TMTC1: variants seen among roughly 807,000 people sequenced by gnomAD.
TMTC1 encodes the protein transmembrane O-mannosyltransferase targeting cadherins 1.
In TMTC1, 73 loss-of-function variants were observed where a neutral mutation model predicts 104.8. The observed-to-expected ratio is 0.70, with a 90% CI of 0.58 to 0.85. The LOEUF is 0.85. Among genes scored for constraint, TMTC1 ranks in the 40% least tolerant of loss-of-function variants. The pLI, the probability that TMTC1 is intolerant of heterozygous loss-of-function variation, is 0.00. For synonymous variants in TMTC1, 434 were observed against 428.7 expected (o/e 1.01, Z -0.15); for missense variants, 1,035 against 1,096.1 (o/e 0.94, Z 0.79).
chr12:29,767,864 A>C, intron 2 of TMTC1, 34 bp downstream of exon 2: 1 of 1,590,716 alleles, frequency 6.3e-7, no homozygotes, highest in Non-Finnish European at 8.6e-7. Flanking sequence ...ACACATTCAT[A>C]TTCGTTATTT....
At chr12:29,657,486 C>T (rs1939813846) in intron 5 of TMTC1, among the ~76,000 whole-genome samples, 1 of 152,104 alleles carries the variant, frequency 6.6e-6, no homozygotes, top group Non-Finnish European at 1.5e-5. Context: ...ATATAAACAA[C>T]AATTTATACA....
rs769870535 is a variant in TMTC1, at chr12:29,518,498, G to A, written c.1998C>T (p.Asn666=). 1 of 1,614,080 alleles carries A rather than the reference G, an allele frequency of 6.2e-7. No homozygotes were observed. Among genetic ancestry groups the A allele is most frequent in the Admixed American group, 1.7e-5 (1 of 60,026 alleles). Reference sequence around the variant, plus strand: ...GCTTGTACCATTCTTCAGCCATGCTGTTCTCTCCCAGTGACCTGTAGAGTC... The same window carrying A: ...GCTTGTACCATTCTTCAGCCATGCTATTCTCTCCCAGTGACCTGTAGAGTC... The part of the protein sequence containing the change: ...LGRLYRSLGE[N]SMAEEWYKRA... Residue 666 remains asparagine, a synonymous_variant, in exon 13 of 18, where the codon AAC becomes AAT. Coordinates refer to ENST00000539277, the MANE Select transcript of TMTC1 (RefSeq NM_001193451.2).
At chr12:29,533,395 A>C (rs1056619134) in intron 11 of TMTC1, 1 of 152,208 alleles carries the variant, frequency 6.6e-6, no homozygotes, top group Non-Finnish European at 1.5e-5. Context: ...GCTTATAATA[A>C]GAGCAAGGTA....
chr12:29,652,667 C>T (rs896459574), intron 5 of TMTC1, among the ~76,000 whole-genome samples: 3 of 152,068 alleles, frequency 2.0e-5, no homozygotes, highest in African/African-American at 7.2e-5. Flanking sequence ...GCCAAAGATA[C>T]AAAGAAAGAT....
chr12:29,521,566 C>CTTTTTTTTTTTTTTTTT (rs3036151), intron 11 of TMTC1, among the ~76,000 whole-genome samples: 2 of 89,642 alleles, frequency 2.2e-5, no homozygotes, highest in Non-Finnish European at 5.1e-5. Context: ...TTCTTTCTTT[C>CTTTTTTTTTTTTTTTTT]TTTTTTTTTT....
intron 5 of TMTC1, among the ~76,000 whole-genome samples, chr12:29,634,878 T>C (rs981500154): frequency 1.3e-5 from 2 of 152,152 alleles, no homozygotes; most frequent in African/African-American, 4.8e-5. Flanking sequence ...TGAATTCCTG[T>C]CAACAAATAG....
chr12:29,593,586 A>G (rs1272512303), intron 7 of TMTC1, among the ~76,000 whole-genome samples: 3 of 152,252 alleles, frequency 2.0e-5, no homozygotes, highest in Non-Finnish European at 1.5e-5. Context: ...TAGTATGTGA[A>G]CTATTGTAGT....
intron 5 of TMTC1, among the ~76,000 whole-genome samples, chr12:29,643,415 G>A (rs1036451423): frequency 1.6e-5 from 1 of 64,344 alleles, no homozygotes; most frequent in African/African-American, 7.6e-5. Context: ...ATCAATCAAC[G>A]AGTGGATAAA....
At chr12:29,770,163 A>T (rs532878088) in intron 1 of TMTC1, among the ~76,000 whole-genome samples, 213 of 152,206 alleles carry the variant, frequency 1.4e-3, no homozygotes, top group African/African-American at 4.7e-3. Flanking sequence ...AAAAAGGCTT[A>T]TTTTTGCAAA....
At chr12:29,655,007 C>T (rs1939689773) in intron 5 of TMTC1, among the ~76,000 whole-genome samples, 1 of 152,172 alleles carries the variant, frequency 6.6e-6, no homozygotes, top group African/African-American at 2.4e-5. Context: ...CCTCAGCCTC[C>T]TGAGTAGCTT....
At chr12:29,588,085 T>G (rs191952758) in intron 7 of TMTC1, among the ~76,000 whole-genome samples, 101 of 152,268 alleles carry the variant, frequency 6.6e-4, no homozygotes, top group African/African-American at 2.1e-3. Context: ...CCATAAAGTT[T>G]AGGGTTCATG....
chr12:29,644,084 A>AATATATAATTTAT (rs1232611750), intron 5 of TMTC1, among the ~76,000 whole-genome samples: 4 of 54,526 alleles, frequency 7.3e-5, no homozygotes, highest in African/African-American at 2.7e-4. Context: ...GATAAATATA[A>AATATATAATTTAT]ATATAAATAT....
At chr12:29,514,682 T>A in intron 15 of TMTC1, 78 bp from the exon 16 acceptor site, 2 of 1,477,422 alleles carry the variant, frequency 1.4e-6, no homozygotes, top group South Asian at 2.6e-5. Context: ...AAATTTATAC[T>A]TTTTGTTCCT....
chr12:29,538,747 C>T (rs934407397), intron 10 of TMTC1, among the ~76,000 whole-genome samples: 2 of 152,040 alleles, frequency 1.3e-5, no homozygotes, highest in African/African-American at 4.8e-5. Flanking sequence ...ACCAAGAACC[C>T]AGATTCTTGA....
At chr12:29,694,094 A>C (rs1208354685) in intron 5 of TMTC1, among the ~76,000 whole-genome samples, 1 of 152,192 alleles carries the variant, frequency 6.6e-6, no homozygotes, top group African/African-American at 2.4e-5. Flanking sequence ...AAAGGCTGGC[A>C]TTCTTTCCAT....
At chr12:29,558,679 C>T (rs1945305707) in intron 9 of TMTC1, among the ~76,000 whole-genome samples, 1 of 152,190 alleles carries the variant, frequency 6.6e-6, no homozygotes, top group African/African-American at 2.4e-5. Context: ...TGGCAGAAAG[C>T]ACACTGAGCC....
At chr12:29,581,325 T>C (rs1221835193) in intron 8 of TMTC1, among the ~76,000 whole-genome samples, 1 of 152,206 alleles carries the variant, frequency 6.6e-6, no homozygotes, top group African/African-American at 2.4e-5. Context: ...TCTTAAAAGT[T>C]TTCTCAGGAC....
At chr12:29,507,107 T>C (rs299442) in intron 17 of TMTC1, 121 bp from the exon 18 acceptor site, 15,241 of 792,898 alleles carry the variant, frequency 0.019, 230 homozygotes, top group Non-Finnish European at 0.022. Flanking sequence ...ATATGGAAAC[T>C]CTGTCTGTAT....
chr12:29,732,816 G>A (rs909983314), intron 5 of TMTC1, among the ~76,000 whole-genome samples: 1 of 152,032 alleles, frequency 6.6e-6, no homozygotes, highest in African/African-American at 2.4e-5. Flanking sequence ...AGAGGGAGGA[G>A]GCCACTCCCC....
Sources: allele counts gnomAD v4.1 joint callset (sites outside exome capture counted in the v4.1 genomes callset), GRCh38; gene constraint gnomAD v4.1.1; transcripts MANE v1.5; gene names NCBI Gene and HGNC (gene_info 2026-07-23, HGNC 2026-07-21).